The following PCSK1 variants were observed in gnomAD, a reference collection of about 807,000 sequenced individuals.
PCSK1 encodes neuroendocrine convertase 1.
PCSK1 carries 56 observed loss-of-function variants against 90.6 expected under a neutral mutation model. The observed-to-expected ratio is 0.62, with a 90% CI of 0.50 to 0.77. The LOEUF (loss-of-function observed/expected upper bound fraction) is 0.77, where lower values mean the gene tolerates loss of function less well. Ranked by LOEUF, PCSK1 falls within the 30% of genes least tolerant of loss-of-function variation. The probability of loss-of-function intolerance (pLI) is 0.00; values close to 1 mark genes in which losing one functional copy is unlikely to be tolerated. For synonymous variants in PCSK1, 348 were observed against 342.4 expected (o/e 1.02, Z -0.18); for missense variants, 801 against 932.6 (o/e 0.86, Z 1.84).
At chr5:96,395,518 C>A (rs1007758400) in intron 12 of PCSK1, among the ~76,000 whole-genome samples, 1 of 152,180 alleles carries the variant, frequency 6.6e-6, no homozygotes, top group African/African-American at 2.4e-5. Context: ...TGGAAACCAT[C>A]ATTCTCAGCA....
chr5:96,401,941 A>T (rs1306111423), intron 9 of PCSK1, among the ~76,000 whole-genome samples: 1 of 152,236 alleles, frequency 6.6e-6, no homozygotes, highest in African/African-American at 2.4e-5. Context: ...GCTCCTAGTC[A>T]TCAGTCAGAT....
At chr5:96,407,094 A>C (rs1760597093) in intron 9 of PCSK1, among the ~76,000 whole-genome samples, 1 of 152,238 alleles carries the variant, frequency 6.6e-6, no homozygotes, top group Non-Finnish European at 1.5e-5. Flanking sequence ...AAGACATATA[A>C]TTAATGTTTA....
chr5:96,425,146 T>A (rs1043599331), intron 3 of PCSK1, among the ~76,000 whole-genome samples: 1 of 152,310 alleles, frequency 6.6e-6, no homozygotes, highest in Non-Finnish European at 1.5e-5. Flanking sequence ...TCTTAGCTTG[T>A]GTTTTTCAAG....
At chr5:96,410,692 CA>C (rs1279101442) in intron 8 of PCSK1, 81 bp downstream of exon 8, 12 of 1,130,544 alleles carry the variant, frequency 1.1e-5, no homozygotes, top group Non-Finnish European at 1.5e-5. Flanking sequence ...TCAGTCGTAC[CA>C]AAGGTCAGTT....
intron 6 of PCSK1, among the ~76,000 whole-genome samples, chr5:96,412,694 T>C (rs1256495894): frequency 1.3e-5 from 2 of 151,208 alleles, no homozygotes; most frequent in Admixed American, 6.6e-5. Context: ...ATAAGCTTTT[T>C]TGTCGCACTT....
At chr5:96,414,316 T>C (rs1052434009) in intron 6 of PCSK1, among the ~76,000 whole-genome samples, 2 of 152,140 alleles carry the variant, frequency 1.3e-5, no homozygotes, top group African/African-American at 4.8e-5. Flanking sequence ...ATGTATAAAC[T>C]CATCTAAACC....
At chr5:96,402,272 C>G (rs757193649) in intron 9 of PCSK1, among the ~76,000 whole-genome samples, 1 of 152,224 alleles carries the variant, frequency 6.6e-6, no homozygotes, top group Non-Finnish European at 1.5e-5. Flanking sequence ...GCACGACACA[C>G]GGGGAAGCTG....
At chr5:96,409,404 T>A (rs1214008935) in intron 8 of PCSK1, among the ~76,000 whole-genome samples, 3 of 152,264 alleles carry the variant, frequency 2.0e-5, no homozygotes, top group Non-Finnish European at 2.9e-5. Context: ...TTGCCCTTTT[T>A]ACCTGTTGAC....
chr5:96,401,249 T>TG (rs905789530), intron 9 of PCSK1, among the ~76,000 whole-genome samples: 5 of 151,782 alleles, frequency 3.3e-5, no homozygotes, highest in African/African-American at 1.2e-4. Flanking sequence ...GAAAACTTTG[T>TG]GGGGGAGAAA....
intron 5 of PCSK1, among the ~76,000 whole-genome samples, chr5:96,420,035 C>G (rs1235455425): frequency 6.6e-6 from 1 of 152,122 alleles, no homozygotes; most frequent in Non-Finnish European, 1.5e-5. Flanking sequence ...CCATCTAAGT[C>G]TCCTCAAGTG....
At chr5:96,412,752 G>GTTTTTTTTTTTTTGTTTTTTTTTTTT (rs1554058734) in intron 6 of PCSK1, among the ~76,000 whole-genome samples, 1 of 71,832 alleles carries the variant, frequency 1.4e-5, no homozygotes, top group African/African-American at 9.0e-5. Flanking sequence ...CAGCTGTGAT[G>GTTTTTTTTTTTTTGTTTTTTTTTTTT]TTTTTTTTTT....
rs1245583638 is a variant in PCSK1, at chr5:96,410,845, A to C, written c.1024T>G (p.Trp342Gly). The stretch of plus-strand genomic sequence containing the variant: ...GTGGAGGAGCACTTCTCAGCGTACC[A>C]GGGGGATAGGCCTTGCTGGGAGGCA... ...SSASQQGLSP[W>G]YAEKCSSTLA... Residue 342 changes from tryptophan to glycine, a missense_variant, in exon 8 of 14, where the codon TGG becomes GGG. Trp to Gly is a radical substitution (Grantham distance 184). Coordinates refer to ENST00000311106, the MANE Select transcript of PCSK1 (RefSeq NM_000439.5). 1.3e-5 allele frequency: 21 copies of C among 1,614,104 alleles called. No individual in the cohort carries two copies. Among genetic ancestry groups the C allele is most frequent in the Non-Finnish European group, 1.8e-5 (21 of 1,179,964 alleles).
At position 96,392,299 on chromosome 5, in the gene PCSK1, G is replaced by T. The variant is rs1479450378; in HGVS notation, c.*702C>A. 1 of 152,164 alleles carries T rather than the reference G, an allele frequency of 6.6e-6. No individual in the cohort carries two copies. Among genetic ancestry groups the T allele is most frequent in the African/African-American group, 2.4e-5 (1 of 41,420 alleles). 9.4% of individuals were successfully genotyped at this position (152,164 alleles called of 1,614,324 possible). A position where few individuals can be genotyped will look rare whatever the true frequency, so the allele number is the denominator to read the frequency against. On this transcript the variant is annotated 3_prime_UTR_variant, in exon 14 of 14. Transcript: ENST00000311106. ...AGAGGAAAGACCAGGCATGCAGCAC[G>T]AGTCATAACCACCTCTGGATCCACG...
intron 2 of PCSK1, among the ~76,000 whole-genome samples, chr5:96,428,254 T>C (rs1761381044): frequency 6.6e-6 from 1 of 152,172 alleles, no homozygotes; most frequent in Non-Finnish European, 1.5e-5. Context: ...CACATACATA[T>C]ATATATATTT....
intron 9 of PCSK1, among the ~76,000 whole-genome samples, chr5:96,404,640 A>T (rs938864992): frequency 6.6e-6 from 1 of 152,044 alleles, no homozygotes; most frequent in Non-Finnish European, 1.5e-5. Flanking sequence ...ACCCTCCTTT[A>T]TTTGAGGAGA....
intron 11 of PCSK1, 95 bp downstream of exon 11, chr5:96,398,784 A>C (rs1358457497): frequency 1.9e-6 from 2 of 1,034,458 alleles, no homozygotes; most frequent in African/African-American, 3.2e-5. Context: ...ATCTATTAGG[A>C]GACTTTGTTC....
Position 96,416,194 on chromosome 5 carries a change from TG to T in PCSK1, c.621-74del, listed in dbSNP as rs368134629. ...TTTGTTTTGCATATGAATGAATTAA[TG>T]GGGCATAGGTATATTAACTTTTTGT... is the stretch of plus-strand genomic sequence containing the variant. On this transcript the variant is annotated intron_variant, in intron 5 of 13. Transcript: ENST00000311106. The T allele has an allele frequency of 4.9e-3, 4,925 of 1,002,674 alleles. 160 individuals carry two copies. The African/African-American group carries it at 0.069, about 14-fold the overall frequency. 62.1% of individuals were successfully genotyped at this position (1,002,674 alleles called of 1,614,324 possible). A position where few individuals can be genotyped will look rare whatever the true frequency, so the allele number is the denominator to read the frequency against.
rs758037647 is a variant in PCSK1, at chr5:96,412,387, A to G, written c.813T>C (p.Asn271=). 1 of 1,614,068 alleles carries G rather than the reference A, an allele frequency of 6.2e-7. No individual in the cohort carries two copies. Among genetic ancestry groups the G allele is most frequent in the African/African-American group, 1.3e-5 (1 of 75,018 alleles). The change falls in exon 7 of 14, where the codon AAT becomes AAC. Residue 271 remains asparagine (N), a synonymous_variant. Transcript: ENST00000311106. ...VDIYSASWGP[N]DDGKTVEGPG... ...GCCCCTCCACAGTTTTCCCATCATCATTAGGGCCCCAGCTTGCACTGTAAA... is the reference window on the plus strand; with the variant it reads ...GCCCCTCCACAGTTTTCCCATCATCGTTAGGGCCCCAGCTTGCACTGTAAA...
chr5:96,420,884 G>T (rs1260163337), intron 5 of PCSK1, among the ~76,000 whole-genome samples: 1 of 152,080 alleles, frequency 6.6e-6, no homozygotes, highest in African/African-American at 2.4e-5. Flanking sequence ...ATAAAGAAGC[G>T]CTTCATGTGA....
Sources: allele counts gnomAD v4.1 joint callset (sites outside exome capture counted in the v4.1 genomes callset), GRCh38; gene constraint gnomAD v4.1.1; transcripts MANE v1.5; gene names NCBI Gene and HGNC (gene_info 2026-07-23, HGNC 2026-07-21).